IQCM: variants seen among roughly 807,000 people sequenced by gnomAD.
The protein encoded by IQCM is IQ motif containing M.
Under a neutral mutation model 57.6 loss-of-function variants are expected in IQCM, and 45 were observed. The ratio of observed to expected loss-of-function variants is 0.78; its 90% CI spans 0.62 to 1.00. The LOEUF is 1.00. IQCM is among the 50% of genes least tolerant of loss of function. The pLI is 0.00. For synonymous variants in IQCM, 148 were observed against 158.9 expected (o/e 0.93, Z 0.51); for missense variants, 468 against 511.6 (o/e 0.91, Z 0.82).
At chr4:149,781,303 T>C (rs1379317227) in intron 2 of IQCM, among the ~76,000 whole-genome samples, 1 of 152,132 alleles carries the variant, frequency 6.6e-6, no homozygotes, top group Non-Finnish European at 1.5e-5. Context: ...AAATAAATAA[T>C]TTAGAAGTTT....
At chr4:149,558,425 C>G (rs1194854264) in intron 10 of IQCM, among the ~76,000 whole-genome samples, 8 of 152,074 alleles carry the variant, frequency 5.3e-5, no homozygotes, top group Non-Finnish European at 7.3e-5. Context: ...ATGTATTAGG[C>G]TCCTAGTATG....
chr4:149,489,071 A>G (rs1741821088), intron 12 of IQCM, among the ~76,000 whole-genome samples: 1 of 152,138 alleles, frequency 6.6e-6, no homozygotes, highest in Admixed American at 6.6e-5. Flanking sequence ...CGGAGATCTA[A>G]TTGGATGTTC....
intron 13 of IQCM, among the ~76,000 whole-genome samples, chr4:149,414,032 A>C (rs966758441): frequency 1.3e-5 from 2 of 152,232 alleles, no homozygotes; most frequent in Non-Finnish European, 2.9e-5. Flanking sequence ...GTATTAATGC[A>C]AAGTCTTGCT....
intron 13 of IQCM, among the ~76,000 whole-genome samples, chr4:149,358,844 C>CAGTATATCATGATATACTCCCATG (rs1729212703): frequency 9.3e-6 from 1 of 108,028 alleles, no homozygotes; most frequent in Non-Finnish European, 2.0e-5. Context: ...GCACAGTGGA[C>CAGTATATCATGATATACTCCCATG]AGTATATCAT....
rs139795369 is a variant in IQCM at position 149,523,012 on chromosome 4, C to G, written c.1228+25443G>C. ...TGGATTAAATGACAAATATTTATTT[C>G]TCATGATTCTGGAGAGGCTGGGAAG... On this transcript the variant is annotated intron_variant, in intron 12 of 13. Transcript: ENST00000636793. Among the ~76,000 whole-genome samples the G allele has an allele frequency of 5.3e-5, 8 of 152,192 alleles. No homozygotes were observed. The East Asian group carries it at 1.5e-3, about 29-fold the overall frequency.
At chr4:149,719,338 C>T (rs907260400) in intron 5 of IQCM, among the ~76,000 whole-genome samples, 6 of 145,560 alleles carry the variant, frequency 4.1e-5, no homozygotes, top group African/African-American at 1.5e-4. Flanking sequence ...GAACAAAAGT[C>T]AGTCTTAAAA....
intron 12 of IQCM, among the ~76,000 whole-genome samples, chr4:149,488,593 C>G (rs373854159): frequency 5.9e-5 from 9 of 152,174 alleles, no homozygotes; most frequent in African/African-American, 1.7e-4. Flanking sequence ...TTGTATACAT[C>G]GATTACAGAC....
chr4:149,549,377 G>A (rs1164609126), intron 11 of IQCM, among the ~76,000 whole-genome samples: 2 of 152,026 alleles, frequency 1.3e-5, no homozygotes, highest in Non-Finnish European at 2.9e-5. Flanking sequence ...AATTAGCCGG[G>A]CGTAGTGGCG....
At chr4:149,447,256 G>A (rs1213389877) in intron 12 of IQCM, among the ~76,000 whole-genome samples, 1 of 151,386 alleles carries the variant, frequency 6.6e-6, no homozygotes, top group Non-Finnish European at 1.5e-5. Context: ...ATACCAGTAA[G>A]GTCAAATTCA....
At chr4:149,745,623 G>C (rs973727428) in intron 2 of IQCM, among the ~76,000 whole-genome samples, 1 of 152,136 alleles carries the variant, frequency 6.6e-6, no homozygotes, top group African/African-American at 2.4e-5. Context: ...AACAGAAGTA[G>C]AAACTATTTC....
At chr4:149,506,182 A>G (rs1409167786) in intron 12 of IQCM, among the ~76,000 whole-genome samples, 1 of 152,214 alleles carries the variant, frequency 6.6e-6, no homozygotes, top group Non-Finnish European at 1.5e-5. Flanking sequence ...AGATGGCCAT[A>G]AAGTCCTTGG....
At chr4:149,353,704 C>A (rs1728729114) in intron 13 of IQCM, among the ~76,000 whole-genome samples, 1 of 152,062 alleles carries the variant, frequency 6.6e-6, no homozygotes, top group African/African-American at 2.4e-5. Flanking sequence ...TGCATGATTT[C>A]ACTTACATGT....
chr4:149,647,634 T>C (rs72957448), intron 7 of IQCM, among the ~76,000 whole-genome samples: 2,211 of 152,246 alleles, frequency 0.015, 36 homozygotes, highest in African/African-American at 0.042. Context: ...TGCTTTTCTT[T>C]TTTTCTTCTC....
chr4:149,433,382 G>A lies in IQCM; in HGVS notation c.1390+14C>T. On this transcript the variant is annotated intron_variant, in intron 13 of 13. Coordinates refer to ENST00000636793, the MANE Select transcript of IQCM (RefSeq NM_001363507.2). Reference sequence around the variant, plus strand: ...CTTCTTCTTTACAATAAAAAATAAGGTTCAATATCTTACCTATATATCTAT... The same window carrying A: ...CTTCTTCTTTACAATAAAAAATAAGATTCAATATCTTACCTATATATCTAT... 1 of 1,152,462 alleles carries A rather than the reference G, an allele frequency of 8.7e-7. No individual in the cohort carries two copies. The highest frequency in any genetic ancestry group is 1.1e-6 in the Non-Finnish European group (1 of 916,352). 71.4% of individuals were successfully genotyped at this position (1,152,462 alleles called of 1,614,324 possible).
chr4:149,614,343 C>T (rs1159961091), intron 8 of IQCM, among the ~76,000 whole-genome samples: 1 of 152,154 alleles, frequency 6.6e-6, no homozygotes, highest in Non-Finnish European at 1.5e-5. Context: ...AGGGCATAAG[C>T]TCATTAAAGA....
intron 5 of IQCM, among the ~76,000 whole-genome samples, chr4:149,711,445 T>C (rs959145472): frequency 2.0e-5 from 3 of 152,180 alleles, no homozygotes; most frequent in African/African-American, 7.2e-5. Context: ...GAGTCTGAGT[T>C]TTCCTGTCTG....
At chr4:149,742,516 A>C (rs1767552842) in intron 3 of IQCM, 139 bp downstream of exon 3, 1 of 470,786 alleles carries the variant, frequency 2.1e-6, no homozygotes, top group Non-Finnish European at 3.4e-6. Context: ...GTTATTTTTA[A>C]ATAAAGGGAA....
At chr4:149,676,346 G>A (rs987940653) in intron 7 of IQCM, among the ~76,000 whole-genome samples, 10 of 152,210 alleles carry the variant, frequency 6.6e-5, no homozygotes, top group Admixed American at 3.3e-4. Context: ...TGTGATTACA[G>A]TAATATGTCC....
intron 9 of IQCM, among the ~76,000 whole-genome samples, chr4:149,579,076 C>T (rs931134823): frequency 3.3e-5 from 5 of 151,804 alleles, no homozygotes; most frequent in Admixed American, 2.6e-4. Flanking sequence ...AAGAAGAGAA[C>T]TTATGTGTGT....
Sources: allele counts gnomAD v4.1 joint callset (sites outside exome capture counted in the v4.1 genomes callset), GRCh38; gene constraint gnomAD v4.1.1; transcripts MANE v1.5; gene names NCBI Gene and HGNC (gene_info 2026-07-23, HGNC 2026-07-21).